WRAP73: variants seen among roughly 807,000 people sequenced by gnomAD.
WRAP73 encodes WD repeat-containing protein WRAP73.
A neutral mutation model predicts 59.6 loss-of-function variants in WRAP73; 55 were observed. The ratio of observed to expected loss-of-function variants is 0.92; its 90% CI spans 0.74 to 1.15. The LOEUF is 1.15. WRAP73 is among the 50% of genes most tolerant of loss of function. The probability of loss-of-function intolerance (pLI) is 0.00; values close to 1 mark genes in which losing one functional copy is unlikely to be tolerated. For missense variants in WRAP73, 592 were observed against 608.1 expected (o/e 0.97, Z 0.28); for synonymous variants, 265 against 258.2 (o/e 1.03, Z -0.25).
At chr1:3,634,862 C>A in intron 8 of WRAP73, 135 bp downstream of exon 8, 1 of 1,068,686 alleles carries the variant, frequency 9.4e-7, no homozygotes, top group Non-Finnish European at 1.4e-6. Context: ...CGTGAAATGT[C>A]ACAGTAGCAA....
intron 4 of WRAP73, among the ~76,000 whole-genome samples, chr1:3,637,767 G>A (rs561417626): frequency 1.3e-5 from 2 of 152,314 alleles, no homozygotes; most frequent in Admixed American, 1.3e-4. Context: ...CCAGGAGGTC[G>A]AGGCTGCACT....
In WRAP73 at chr1:3,632,231, A is replaced by G. The variant is rs552912358; in HGVS notation, c.1030T>C (p.Phe344Leu). ...AACTGACCGTTCCTTGTCGCCAGGA[A>G]GTAGCTGTCAGGACTAAATGCCAGC... ...GMLAFSPDSYFLATRNDNIPN... is the reference protein window; with the variant it reads ...GMLAFSPDSYLLATRNDNIPN... The change falls in exon 10 of 12, where the codon TTC becomes CTC. Residue 344 changes from phenylalanine to leucine, a missense_variant. Coordinates refer to ENST00000270708, the MANE Select transcript of WRAP73 (RefSeq NM_017818.4). 45 of 1,613,976 alleles carry G rather than the reference A, an allele frequency of 2.8e-5. No homozygotes were observed. The African/African-American group carries it at 5.7e-4, about 21-fold the overall frequency.
intron 6 of WRAP73, chr1:3,635,584 G>A (rs1166134975): frequency 2.0e-6 from 1 of 498,856 alleles, no homozygotes; most frequent in Non-Finnish European, 3.6e-6. Flanking sequence ...ACTTTGGGAG[G>A]CCGAAGCTGG....
At chr1:3,636,880 A>T in intron 5 of WRAP73, 115 bp downstream of exon 5, 1 of 1,102,950 alleles carries the variant, frequency 9.1e-7, no homozygotes, top group Non-Finnish European at 1.3e-6. Flanking sequence ...TGTTAATACA[A>T]CATCACCTTG....
At chr1:3,632,154 C>A in intron 10 of WRAP73, 59 bp downstream of exon 10, 1 of 1,550,492 alleles carries the variant, frequency 6.4e-7, no homozygotes, top group South Asian at 1.2e-5. Flanking sequence ...GTCGCTTCTA[C>A]ACCTGGGGCC....
intron 3 of WRAP73, among the ~76,000 whole-genome samples, chr1:3,640,843 A>G (rs1318290676): frequency 6.6e-6 from 1 of 152,192 alleles, no homozygotes; most frequent in Non-Finnish European, 1.5e-5. Context: ...TGCCCTCCAG[A>G]GCCTACTGCA....
intron 6 of WRAP73, 110 bp downstream of exon 6, chr1:3,635,834 C>T (rs551353710): frequency 3.1e-6 from 3 of 968,996 alleles, no homozygotes; most frequent in South Asian, 1.5e-5. Flanking sequence ...AAACAAAGCT[C>T]AACTTGTTAT....
chr1:3,638,810 C>T lies in WRAP73; in HGVS notation c.352G>A (p.Val118Ile), dbSNP rs1323194726. The T allele has an allele frequency of 8.1e-6, 13 of 1,613,916 alleles. No individual in the cohort carries two copies. The highest frequency in any genetic ancestry group is 4.0e-5 in the African/African-American group (3 of 74,918). ...NTTEFHLRITVWSLCTKSVSY... is the reference protein window; with the variant it reads ...NTTEFHLRITIWSLCTKSVSY... ...ACGGATTTTGTGCACAAGGACCAGACGGTTATCCGCAGCTGTTGGGGGAAA... is the reference window on the plus strand; with the variant it reads ...ACGGATTTTGTGCACAAGGACCAGATGGTTATCCGCAGCTGTTGGGGGAAA... The change falls in exon 4 of 12, where the codon GTC (valine) becomes ATC (isoleucine). Residue 118 changes from valine (V) to isoleucine (I), a missense_variant. Coordinates refer to ENST00000270708, the MANE Select transcript of WRAP73 (RefSeq NM_017818.4).
Position 3,639,741 on chromosome 1 carries a change from G to A in WRAP73, c.340-919C>T, listed in dbSNP as rs1233110017. 2 of 150,878 alleles carry A rather than the reference G, an allele frequency of 1.3e-5. No homozygotes were observed. The highest frequency in any genetic ancestry group is 3.0e-5 in the Non-Finnish European group (2 of 67,726). 9.3% of individuals were successfully genotyped at this position (150,878 alleles called of 1,614,324 possible). On this transcript the variant is annotated intron_variant, in intron 3 of 11. Coordinates refer to ENST00000270708, the MANE Select transcript of WRAP73 (RefSeq NM_017818.4). The surrounding 1 kb of genome is among the most constrained non-coding windows in gnomAD (Gnocchi z 4.3). ...TCCGTGTGTGGGGACACAGGGCTGC[G>A]CAGCTCCATGTGGGGTGGGGTGCTG... is the stretch of plus-strand genomic sequence containing the variant.
Position 3,642,349 on chromosome 1 carries a change from G to A in WRAP73, c.340-3527C>T, listed in dbSNP as rs189816813. Among the ~76,000 whole-genome samples, 17 of 152,312 alleles carry A rather than the reference G, an allele frequency of 1.1e-4. 1 individual carries two copies. The highest frequency in any genetic ancestry group is 1.0e-3 in the Admixed American group (16 of 15,296). ...GACAGTGTGGTGCTGGCACATAGGT[G>A]GACCAACAGTGGACTGGAATGGAAA... On this transcript the variant is annotated intron_variant, in intron 3 of 11. Transcript: ENST00000270708.
chr1:3,636,909 A>T lies in WRAP73; in HGVS notation c.516+86T>A, dbSNP rs1246590231. 2.9e-6 allele frequency: 4 copies of T among 1,356,220 alleles called. No individual in the cohort carries two copies. The South Asian group carries it at 3.6e-5, about 12-fold the overall frequency. 84.0% of individuals were successfully genotyped at this position (1,356,220 alleles called of 1,614,324 possible). On this transcript the variant is annotated intron_variant, in intron 5 of 11. Coordinates refer to ENST00000270708, the MANE Select transcript of WRAP73 (RefSeq NM_017818.4). The stretch of plus-strand genomic sequence containing the variant: ...CACCTTGCTCCATATCCTACCAAAG[A>T]TCCCCTGGAATCTGGAAGGATCTAC...
chr1:3,650,023 ACCCTGCGCCCGAAAACCCGCGGGAC>A lies in WRAP73; in HGVS notation c.-49_-25del, dbSNP rs780883916. On this transcript the variant is annotated 5_prime_UTR_variant, in exon 1 of 12. Transcript: ENST00000270708. ...ATGGCCGCCGCCTGCCGCGGGCGCC[ACCCTGCGCCCGAAAACCCGCGGGAC>A]CCCTGGGCGCGCAGCAGGCTGCAAC... The A allele has an allele frequency of 1.9e-6, 3 of 1,579,112 alleles. No homozygotes were observed. The South Asian group carries it at 3.5e-5, about 18-fold the overall frequency.
At chr1:3,635,340 C>T in intron 6 of WRAP73, 46 bp from the exon 7 acceptor site, 1 of 1,608,758 alleles carries the variant, frequency 6.2e-7, no homozygotes, top group African/African-American at 1.3e-5. Context: ...CCCCCGTCGC[C>T]AGGAACACAC....
intron 3 of WRAP73, among the ~76,000 whole-genome samples, chr1:3,644,444 C>T (rs12408890): frequency 0.58 from 82,257 of 142,368 alleles, 25,835 homozygotes; most frequent in Non-Finnish European, 0.66. Context: ...AATCCTCGAA[C>T]GGGTCTGGTC....
chr1:3,637,817 G>A (rs138851887), intron 4 of WRAP73, among the ~76,000 whole-genome samples: 2,258 of 152,184 alleles, frequency 0.015, 50 homozygotes, highest in African/African-American at 0.052. Context: ...CTGGGTGACA[G>A]AGCAAGACCC....
rs373776138 is a variant in WRAP73 at position 3,631,491 on chromosome 1, G to A, written c.1215C>T (p.Cys405=). Residue 405 remains cysteine, a synonymous_variant, in exon 11 of 12, where the codon TGC becomes TGT. Coordinates refer to ENST00000270708, the MANE Select transcript of WRAP73 (RefSeq NM_017818.4). ...SRLYLWSPAG[C]MSVQVPGEGD... ...CTTCCCCAGGCACCTGCACCGACAT[G>A]CAGCCCGCTGGGGACCACAGGTAGA... 3.1e-6 allele frequency: 5 copies of A among 1,605,894 alleles called. No individual in the cohort carries two copies. The highest frequency in any genetic ancestry group is 4.2e-6 in the Non-Finnish European group (5 of 1,176,566).
intron 10 of WRAP73, 38 bp downstream of exon 10, chr1:3,632,175 G>A: frequency 6.3e-7 from 1 of 1,593,046 alleles, no homozygotes; most frequent in East Asian, 2.2e-5. Context: ...ACAGGACACA[G>A]TAAAGGGTGA....
At chr1:3,631,856 AGG>A (rs1644537767) in intron 10 of WRAP73, 199 bp from the exon 11 acceptor site, 1 of 1,400,502 alleles carries the variant, frequency 7.1e-7, no homozygotes. Flanking sequence ...ACGGGCTGTA[AGG>A]GGCCCAAATG....
intron 4 of WRAP73, among the ~76,000 whole-genome samples, chr1:3,638,241 C>T (rs975140772): frequency 2.0e-5 from 3 of 152,244 alleles, no homozygotes; most frequent in African/African-American, 4.8e-5. Context: ...GGCCACCCTG[C>T]GCCGGCCCCC....
Sources: allele counts gnomAD v4.1 joint callset (sites outside exome capture counted in the v4.1 genomes callset), GRCh38; gene constraint gnomAD v4.1.1; non-coding constraint Gnocchi (gnomAD v3.1); transcripts MANE v1.5; gene names NCBI Gene and HGNC (gene_info 2026-07-23, HGNC 2026-07-21).